UMAD1: variants seen among roughly 807,000 people sequenced by gnomAD.
UMAD1 encodes UBAP1-MVB12-associated (UMA)-domain containing protein 1.
In UMAD1, 8 loss-of-function variants were observed where a neutral mutation model predicts 6.1. The observed-to-expected ratio is 1.30, with a 90% CI of 0.76 to 2.35. The LOEUF is 2.35. UMAD1 is among the 30% of genes most tolerant of loss of function. The probability of loss-of-function intolerance (pLI) is 0.00; values close to 1 mark genes in which losing one functional copy is unlikely to be tolerated. For missense variants in UMAD1, 130 were observed against 78.4 expected (o/e 1.66, Z -2.49); for synonymous variants, 56 against 31.4 (o/e 1.78, Z -2.61).
intron 2 of UMAD1, among the ~76,000 whole-genome samples, chr7:7,752,878 T>C (rs965944079): frequency 6.6e-6 from 1 of 152,170 alleles, no homozygotes; most frequent in Non-Finnish European, 1.5e-5. Flanking sequence ...GTATTCATAA[T>C]TTTGTATTCT....
At chr7:7,719,511 A>T (rs1489155397) in intron 2 of UMAD1, among the ~76,000 whole-genome samples, 6 of 152,178 alleles carry the variant, frequency 3.9e-5, no homozygotes, top group African/African-American at 1.4e-4. Context: ...TGATGATGCA[A>T]TCTGATTATA....
chr7:7,681,720 A>C (rs1779917510), intron 2 of UMAD1, among the ~76,000 whole-genome samples: 1 of 152,180 alleles, frequency 6.6e-6, no homozygotes, highest in Non-Finnish European at 1.5e-5. Context: ...TTAAAAATCC[A>C]GCAAGCATGG....
chr7:7,819,443 G>T (rs2115294126), intron 3 of UMAD1, among the ~76,000 whole-genome samples: 1 of 152,206 alleles, frequency 6.6e-6, no homozygotes, highest in South Asian at 2.1e-4. Flanking sequence ...TGTGATTTCT[G>T]CAGGGTCTCT....
chr7:7,714,674 C>G (rs1190805075), intron 2 of UMAD1, among the ~76,000 whole-genome samples: 1 of 152,026 alleles, frequency 6.6e-6, no homozygotes, highest in Non-Finnish European at 1.5e-5. Context: ...ATAAGAAAGA[C>G]TTAGAACTCC....
At chr7:7,740,247 T>G (rs1781436139) in intron 2 of UMAD1, among the ~76,000 whole-genome samples, 1 of 152,258 alleles carries the variant, frequency 6.6e-6, no homozygotes, top group Non-Finnish European at 1.5e-5. Context: ...AGAATTTCAG[T>G]ATTTGGGTCC....
At chr7:7,740,984 CTGTTAATGT>C (rs1462394143) in intron 2 of UMAD1, 1 of 152,172 alleles carries the variant, frequency 6.6e-6, no homozygotes, top group Non-Finnish European at 1.5e-5. Flanking sequence ...AAGTTTTCTT[CTGTTAATGT>C]TGAAATTAGG....
rs527905453 is a variant in UMAD1 at position 7,822,199 on chromosome 7, A to T, written c.156+20456A>T. 3.3e-5 allele frequency among the ~76,000 whole-genome samples: 5 copies of T among 152,198 alleles called. No individual in the cohort carries two copies. In the South Asian group the frequency reaches 1.0e-3, roughly 32 times the overall value. On this transcript the variant is annotated intron_variant, in intron 3 of 3. Coordinates refer to ENST00000682710, the MANE Select transcript of UMAD1 (RefSeq NM_001302348.2). ...TTGATGTATGTATTGTTTGACAAAAACTTAAAGGGTTTGGGCGCACTGAGA... is the reference window on the plus strand; with the variant it reads ...TTGATGTATGTATTGTTTGACAAAATCTTAAAGGGTTTGGGCGCACTGAGA...
At chr7:7,768,274 T>G (rs919303028) in intron 2 of UMAD1, among the ~76,000 whole-genome samples, 5 of 152,232 alleles carry the variant, frequency 3.3e-5, no homozygotes, top group Admixed American at 1.3e-4. Context: ...GCAGCCTTCA[T>G]TCTTCCCATA....
chr7:7,835,552 G>A (rs1783553115), intron 3 of UMAD1, among the ~76,000 whole-genome samples: 1 of 136,982 alleles, frequency 7.3e-6, no homozygotes, highest in Non-Finnish European at 1.5e-5. Flanking sequence ...CCTTTCTTGG[G>A]AAGTTTATTT....
intron 2 of UMAD1, among the ~76,000 whole-genome samples, chr7:7,686,630 C>G (rs773393938): frequency 5.3e-5 from 8 of 152,128 alleles, no homozygotes; most frequent in Admixed American, 3.3e-4. Context: ...TTTCCAGAAC[C>G]ATCATGCTGC....
At chr7:7,692,858 C>T (rs538863664) in intron 2 of UMAD1, among the ~76,000 whole-genome samples, 11 of 152,316 alleles carry the variant, frequency 7.2e-5, no homozygotes, top group East Asian at 3.9e-4. Flanking sequence ...CTGCCTGCCT[C>T]GGCTTCCCAC....
chr7:7,739,669 A>C (rs1024303900), intron 2 of UMAD1, among the ~76,000 whole-genome samples: 6 of 152,218 alleles, frequency 3.9e-5, no homozygotes, highest in African/African-American at 1.2e-4. Flanking sequence ...ATTAGGGTCA[A>C]AAAGCACTTA....
chr7:7,846,921 G>T (rs1271145864), intron 3 of UMAD1, among the ~76,000 whole-genome samples: 5 of 115,464 alleles, frequency 4.3e-5, no homozygotes, highest in East Asian at 2.5e-4. Flanking sequence ...TCGGGGGAGG[G>T]GGTAGGGATA....
chr7:7,770,033 T>C (rs1311616598), intron 2 of UMAD1, among the ~76,000 whole-genome samples: 1 of 152,212 alleles, frequency 6.6e-6, no homozygotes, highest in East Asian at 1.9e-4. Flanking sequence ...TCTTTCAGAC[T>C]TATTTCTAAT....
At chr7:7,670,012 A>G (rs1031184933) in intron 1 of UMAD1, among the ~76,000 whole-genome samples, 3 of 152,220 alleles carry the variant, frequency 2.0e-5, no homozygotes, top group East Asian at 1.9e-4. Flanking sequence ...AAGTCATGCT[A>G]TGTAACAGAC....
intron 2 of UMAD1, among the ~76,000 whole-genome samples, chr7:7,744,911 TA>T (rs1781542120): frequency 6.6e-6 from 1 of 152,174 alleles, no homozygotes; most frequent in South Asian, 2.1e-4. Context: ...ACATGGGAGT[TA>T]GGGGCACTGA....
chr7:7,688,251 G>A (rs1486292420), intron 2 of UMAD1, among the ~76,000 whole-genome samples: 2 of 152,168 alleles, frequency 1.3e-5, no homozygotes, highest in African/African-American at 2.4e-5. Context: ...TCCTTGGGCT[G>A]TGATTTCTTA....
Position 7,840,352 on chromosome 7 carries a change from G to A in UMAD1, c.157-36929G>A, listed in dbSNP as rs367621397. Among the ~76,000 whole-genome samples the A allele has an allele frequency of 4.6e-5, 7 of 152,220 alleles. No homozygotes were observed. In the East Asian group the frequency reaches 1.4e-3, roughly 29 times the overall value. ...CCGACTGCACATCAGAATAATCTGA[G>A]GGACTTTCATAGAATATTGATGCCC... On this transcript the variant is annotated intron_variant, in intron 3 of 3. Transcript: ENST00000682710.
intron 3 of UMAD1, among the ~76,000 whole-genome samples, chr7:7,859,658 A>AG (rs1784079021): frequency 6.6e-6 from 1 of 152,202 alleles, no homozygotes; most frequent in South Asian, 2.1e-4. Flanking sequence ...GTTTAGGTAG[A>AG]GGCAGGGGTC....
Sources: gnomAD v4.1 joint callset for allele counts (sites outside exome capture counted in the v4.1 genomes callset) on GRCh38, gnomAD v4.1.1 for gene constraint, MANE v1.5 for transcripts, NCBI Gene and HGNC (gene_info 2026-07-23, HGNC 2026-07-21) for gene names.